Variants in ZNF423 observed in about 807,000 individuals in gnomAD.
ZNF423 encodes the protein Ebf-associated zinc finger protein.
Under a neutral mutation model 95.8 loss-of-function variants are expected in ZNF423, and 12 were observed. The observed-to-expected ratio is 0.13, with a 90% CI of 0.08 to 0.20. The LOEUF (loss-of-function observed/expected upper bound fraction) is 0.20, where lower values mean the gene tolerates loss of function less well. Among genes scored for constraint, ZNF423 ranks in the 10% least tolerant of loss-of-function variants. The probability of loss-of-function intolerance (pLI) is 1.00; values close to 1 mark genes in which losing one functional copy is unlikely to be tolerated. For synonymous variants in ZNF423, 749 were observed against 711.9 expected, an observed-to-expected ratio of 1.05 and a Z score of -0.83; for missense variants, 1,316 against 1,737.1, an observed-to-expected ratio of 0.76 and a Z score of 4.31.
chr16:49,784,879 G>A (rs985741917), intron 2 of ZNF423, among the ~76,000 whole-genome samples: 5 of 151,626 alleles, frequency 3.3e-5, no homozygotes, highest in South Asian at 2.1e-4. Flanking sequence ...GAACCCGGGC[G>A]GTGGAGATTG....
At chr16:49,530,444 G>A (rs754333681) in intron 5 of ZNF423, among the ~76,000 whole-genome samples, 13 of 151,810 alleles carry the variant, frequency 8.6e-5, no homozygotes, top group African/African-American at 2.2e-4. Context: ...CATTCCCTCC[G>A]TCCCTCCCTC....
chr16:49,616,573 C>T (rs2111233), intron 5 of ZNF423, among the ~76,000 whole-genome samples: 33,119 of 151,716 alleles, frequency 0.22, 3,890 homozygotes, highest in South Asian at 0.39. Context: ...ATGCCTGTAT[C>T]GAAAGATCTC....
intron 3 of ZNF423, among the ~76,000 whole-genome samples, chr16:49,702,909 GCACACA>G (rs66522223): frequency 0.017 from 2,450 of 147,492 alleles, 41 homozygotes; most frequent in East Asian, 0.074. Flanking sequence ...GTGTGCACAC[GCACACA>G]CACACACACA....
chr16:49,518,088 T>A, intron 7 of ZNF423: 1 of 446,812 alleles, frequency 2.2e-6, no homozygotes, highest in East Asian at 7.0e-5. Flanking sequence ...ACACTGACAA[T>A]GGAAAAGTTC....
At chr16:49,525,794 A>T (rs1262430525) in intron 5 of ZNF423, among the ~76,000 whole-genome samples, 1 of 152,130 alleles carries the variant, frequency 6.6e-6, no homozygotes, top group African/African-American at 2.4e-5. Context: ...GAGTCCCAAG[A>T]CTGGGTCACT....
intron 3 of ZNF423, among the ~76,000 whole-genome samples, chr16:49,649,266 T>G (rs138813179): frequency 8.6e-4 from 131 of 152,306 alleles, no homozygotes; most frequent in African/African-American, 3.1e-3. Flanking sequence ...TCCAGAACTG[T>G]GTAACCATGG....
intron 5 of ZNF423, among the ~76,000 whole-genome samples, chr16:49,596,886 G>A (rs1457202192): frequency 6.6e-6 from 1 of 152,180 alleles, no homozygotes; most frequent in Non-Finnish European, 1.5e-5. Context: ...AATATGGCAG[G>A]GCCACACGCC....
intron 5 of ZNF423, among the ~76,000 whole-genome samples, chr16:49,596,650 A>C (rs1007024802): frequency 6.6e-6 from 1 of 152,186 alleles, no homozygotes. Context: ...CCACAAATGC[A>C]CTCACTTTAA....
intron 5 of ZNF423, among the ~76,000 whole-genome samples, chr16:49,541,456 T>C (rs1969242888): frequency 6.6e-6 from 1 of 152,214 alleles, no homozygotes; most frequent in African/African-American, 2.4e-5. Context: ...AAGAAGGGAA[T>C]GACTATATTT....
chr16:49,815,877 A>C lies in ZNF423; in HGVS notation c.41-26331T>G, dbSNP rs900566259. 2.2e-4 allele frequency among the ~76,000 whole-genome samples: 14 copies of C among 64,090 alleles called. 1 individual carries two copies. The highest frequency in any genetic ancestry group is 1.0e-3 in the African/African-American group (14 of 13,448). 42.0% of individuals were successfully genotyped at this position (64,090 alleles called of 152,430 possible). On this transcript the variant is annotated intron_variant, in intron 1 of 7. Coordinates refer to ENST00000563137, the MANE Select transcript of ZNF423 (RefSeq NM_001379286.1). Reference sequence around the variant, plus strand: ...ATTCTAATTCCAAACAAACAAAAAAAAAAAATATATATATATATATATATA... The same window carrying C: ...ATTCTAATTCCAAACAAACAAAAAACAAAAATATATATATATATATATATA...
intron 5 of ZNF423, among the ~76,000 whole-genome samples, chr16:49,596,191 T>C (rs9934292): frequency 0.92 from 140,799 of 152,298 alleles, 65,228 homozygotes; most frequent in East Asian, 1. Context: ...ATGTTCTTCT[T>C]CATCTCGCAC....
chr16:49,834,205 A>G (rs531940593), intron 1 of ZNF423, among the ~76,000 whole-genome samples: 1 of 151,882 alleles, frequency 6.6e-6, no homozygotes, highest in South Asian at 2.1e-4. Flanking sequence ...CACTACATAC[A>G]GCCTATATAA....
At position 49,523,618 on chromosome 16, in the gene ZNF423, A is replaced by T. The variant is rs1340098894; in HGVS notation, c.3849+6T>A. 2.2e-5 allele frequency: 35 copies of T among 1,612,370 alleles called. No homozygotes were observed. The highest frequency in any genetic ancestry group is 2.8e-5 in the Non-Finnish European group (33 of 1,178,572). ...GCGGCGTGGTGCAGCGGATGTGGGC[A>T]CCCACCTGCAGCTCGGTCTGGAAGA... is the stretch of plus-strand genomic sequence containing the variant. On this transcript the variant is annotated splice_donor_region_variant and intron_variant, in intron 7 of 7. Coordinates refer to ENST00000563137, the MANE Select transcript of ZNF423 (RefSeq NM_001379286.1).
chr16:49,560,216 C>A (rs562544764), intron 5 of ZNF423, among the ~76,000 whole-genome samples: 3 of 152,170 alleles, frequency 2.0e-5, no homozygotes, highest in African/African-American at 7.2e-5. Flanking sequence ...CTCCTTCCCA[C>A]CCCCAGAGTC....
At chr16:49,751,018 A>G (rs1357082485) in intron 2 of ZNF423, among the ~76,000 whole-genome samples, 2 of 152,226 alleles carry the variant, frequency 1.3e-5, no homozygotes, top group Non-Finnish European at 2.9e-5. Flanking sequence ...AGGCCCGAGG[A>G]AGGCCCAGGA....
chr16:49,646,353 G>C (rs1567530038), intron 3 of ZNF423, among the ~76,000 whole-genome samples: 1 of 152,014 alleles, frequency 6.6e-6, no homozygotes, highest in Non-Finnish European at 1.5e-5. Context: ...GGAAACCAGG[G>C]GTACTTGCAC....
intron 5 of ZNF423, among the ~76,000 whole-genome samples, chr16:49,572,778 C>G (rs1200135298): frequency 6.6e-6 from 1 of 152,174 alleles, no homozygotes; most frequent in East Asian, 1.9e-4. Context: ...AGGCCTCCCA[C>G]AGTGCACACT....
intron 2 of ZNF423, among the ~76,000 whole-genome samples, chr16:49,764,914 AT>A (rs568429802): frequency 0.012 from 1,686 of 138,012 alleles, 23 homozygotes; most frequent in African/African-American, 0.033. Flanking sequence ...CGCCCAGCTA[AT>A]TTTTTTTTTT....
At chr16:49,508,195 CTCTT>C (rs1967730665) in intron 7 of ZNF423, among the ~76,000 whole-genome samples, 1 of 152,160 alleles carries the variant, frequency 6.6e-6, no homozygotes, top group South Asian at 2.1e-4. Context: ...AGCTAAATGA[CTCTT>C]TATGATGATG....
Sources: allele counts gnomAD v4.1 joint callset (sites outside exome capture counted in the v4.1 genomes callset), GRCh38; gene constraint gnomAD v4.1.1; transcripts MANE v1.5; gene names NCBI Gene and HGNC (gene_info 2026-07-23, HGNC 2026-07-21).